The following MGST1 variants were observed in gnomAD, a reference collection of about 807,000 sequenced individuals.
The protein encoded by MGST1 is glutathione S-transferase 12.
A neutral mutation model predicts 8.9 loss-of-function variants in MGST1; 5 were observed. That is an observed-to-expected ratio of 0.56 (90% confidence interval 0.29 to 1.19). The LOEUF is 1.19. Ranked by LOEUF, MGST1 falls within the 50% of genes most tolerant of loss-of-function variation. MGST1 has a pLI of 0.08. For missense variants in MGST1, 182 were observed against 187.4 expected (o/e 0.97, Z 0.17); for synonymous variants, 54 against 67.8 (o/e 0.80, Z 1.00).
At chr12:16,403,336 CT>C (rs1397421671) in intron 1 of MGST1, among the ~76,000 whole-genome samples, 1 of 151,870 alleles carries the variant, frequency 6.6e-6, no homozygotes, top group Non-Finnish European at 1.5e-5. Flanking sequence ...AAGTTTCTGG[CT>C]TAAGAGCACT....
chr12:16,414,576 C>T (rs34175163), intron 1 of MGST1, among the ~76,000 whole-genome samples: 50,741 of 151,362 alleles, frequency 0.34, 8,585 homozygotes, highest in East Asian at 0.42. Flanking sequence ...CCACCATGCC[C>T]GGCTAATATT....
At chr12:16,518,848 A>G (rs1239903213) in intron 4 of MGST1, among the ~76,000 whole-genome samples, 1 of 152,214 alleles carries the variant, frequency 6.6e-6, no homozygotes, top group Non-Finnish European at 1.5e-5. Flanking sequence ...TTTAGCATTA[A>G]AGAAGATGTA....
intron 1 of MGST1, among the ~76,000 whole-genome samples, chr12:16,431,988 A>G (rs1940942966): frequency 1.3e-5 from 2 of 152,172 alleles, no homozygotes; most frequent in African/African-American, 4.8e-5. Flanking sequence ...TCTTTAATCC[A>G]TTTGAGAAAT....
chr12:16,486,511 C>T (rs1377391959), intron 4 of MGST1, among the ~76,000 whole-genome samples: 3 of 152,124 alleles, frequency 2.0e-5, no homozygotes, highest in South Asian at 2.1e-4. Flanking sequence ...GCCATTTTAT[C>T]TCAATATATT....
chr12:16,372,289 A>G (rs986674230), intron 3 of MGST1, among the ~76,000 whole-genome samples: 2 of 152,116 alleles, frequency 1.3e-5, no homozygotes, highest in Admixed American at 6.6e-5. Flanking sequence ...ATATGATAAG[A>G]GATTAATAAC....
At chr12:16,454,977 A>G (rs988676741) in intron 4 of MGST1, among the ~76,000 whole-genome samples, 2 of 151,574 alleles carry the variant, frequency 1.3e-5, no homozygotes, top group South Asian at 4.2e-4. Flanking sequence ...AAAGTGAAGG[A>G]AGAGAGGCTA....
At chr12:16,461,719 A>T (rs943901941) in intron 4 of MGST1, among the ~76,000 whole-genome samples, 2 of 152,142 alleles carry the variant, frequency 1.3e-5, no homozygotes, top group African/African-American at 4.8e-5. Context: ...ATGTGTCTCA[A>T]TTATCTCACA....
At chr12:16,355,866 A>G (rs1439467426) in intron 2 of MGST1, among the ~76,000 whole-genome samples, 1 of 152,174 alleles carries the variant, frequency 6.6e-6, no homozygotes, top group African/African-American at 2.4e-5. Flanking sequence ...AAAATGCCAT[A>G]GACTGGGTGG....
intron 1 of MGST1, among the ~76,000 whole-genome samples, chr12:16,384,317 T>C (rs1940485170): frequency 6.6e-6 from 1 of 152,120 alleles, no homozygotes; most frequent in Admixed American, 6.5e-5. Context: ...GCAGACATAA[T>C]TAAGTTAAGG....
intron 4 of MGST1, among the ~76,000 whole-genome samples, chr12:16,533,263 G>T (rs891940169): frequency 2.0e-5 from 3 of 152,064 alleles, no homozygotes; most frequent in Non-Finnish European, 4.4e-5. Context: ...CATGTGTCGG[G>T]GAAAATGTTA....
At position 16,356,880 on chromosome 12, in the gene MGST1, C is replaced by T. The variant is rs1939738748; in HGVS notation, c.127-725C>T. Among the ~76,000 whole-genome samples the T allele has an allele frequency of 2.0e-5, 3 of 152,198 alleles. No individual in the cohort carries two copies. In the South Asian group the frequency reaches 6.2e-4, roughly 31 times the overall value. On this transcript the variant is annotated intron_variant, in intron 2 of 3. Coordinates refer to ENST00000396210, the MANE Select transcript of MGST1 (RefSeq NM_020300.5). Reference sequence around the variant, plus strand: ...ATGCTTCTTGCCTGTTCTCTAAAACCTTTGGCAGGTAAACATATTACTTTC... The same window carrying T: ...ATGCTTCTTGCCTGTTCTCTAAAACTTTTGGCAGGTAAACATATTACTTTC...
chr12:16,437,737 C>T (rs917694759), exon 2 of MGST1: 4 of 151,964 alleles, frequency 2.6e-5, no homozygotes, highest in African/African-American at 9.7e-5. Context: ...CACAAAGGCT[C>T]TTTGGAAAAC....
At chr12:16,416,792 T>A (rs982154661) in intron 1 of MGST1, among the ~76,000 whole-genome samples, 1 of 152,172 alleles carries the variant, frequency 6.6e-6, no homozygotes, top group Admixed American at 6.6e-5. Context: ...GAGAGAAGCA[T>A]TGAGAAAGAA....
intron 4 of MGST1, among the ~76,000 whole-genome samples, chr12:16,529,917 A>G (rs1365501355): frequency 2.0e-5 from 3 of 152,086 alleles, no homozygotes; most frequent in African/African-American, 7.2e-5. Flanking sequence ...AGCTCCAATT[A>G]ACTATCTTAG....
chr12:16,419,495 G>A (rs1019485362), intron 1 of MGST1, among the ~76,000 whole-genome samples: 3 of 152,094 alleles, frequency 2.0e-5, no homozygotes, highest in Admixed American at 1.3e-4. Flanking sequence ...AAAAAATCTC[G>A]ACAATGAACT....
chr12:16,460,309 C>G (rs1181303247), intron 4 of MGST1, among the ~76,000 whole-genome samples: 1 of 152,058 alleles, frequency 6.6e-6, no homozygotes, highest in Non-Finnish European at 1.5e-5. Flanking sequence ...TATACATTTT[C>G]TGCTGGAGGA....
At chr12:16,487,257 T>C (rs1284163274) in intron 4 of MGST1, among the ~76,000 whole-genome samples, 1 of 152,094 alleles carries the variant, frequency 6.6e-6, no homozygotes, top group African/African-American at 2.4e-5. Flanking sequence ...GAAATCCCAT[T>C]AGGTTTTGCA....
intron 4 of MGST1, among the ~76,000 whole-genome samples, chr12:16,510,781 G>A (rs923023818): frequency 1.3e-5 from 2 of 152,154 alleles, no homozygotes; most frequent in Non-Finnish European, 2.9e-5. Context: ...CTTCTTCCTG[G>A]TTCGAAGGAT....
chr12:16,511,324 G>A (rs1475999295), intron 4 of MGST1, among the ~76,000 whole-genome samples: 1 of 152,194 alleles, frequency 6.6e-6, no homozygotes, highest in African/African-American at 2.4e-5. Context: ...CCATGACTTT[G>A]GCCTTTTTTA....
Sources: allele counts gnomAD v4.1 joint callset (sites outside exome capture counted in the v4.1 genomes callset), GRCh38; gene constraint gnomAD v4.1.1; transcripts MANE v1.5; gene names NCBI Gene and HGNC (gene_info 2026-07-23, HGNC 2026-07-21).